Variants in NPLOC4 observed in about 807,000 individuals in gnomAD.
NPLOC4 encodes nuclear protein localization protein 4 homolog.
In NPLOC4, 18 loss-of-function variants were observed where a neutral mutation model predicts 80.6. The observed-to-expected ratio is 0.22, with a 90% confidence interval of 0.15 to 0.33. The LOEUF (loss-of-function observed/expected upper bound fraction) is 0.33. Among genes scored for constraint, NPLOC4 ranks in the 10% least tolerant of loss-of-function variants. The pLI, the probability that NPLOC4 is intolerant of heterozygous loss-of-function variation, is 1.00. For missense variants in NPLOC4, 540 were observed against 786.1 expected, an observed-to-expected ratio of 0.69 and a Z score of 3.74; for synonymous variants, 313 against 301.5, an observed-to-expected ratio of 1.04 and a Z score of -0.39.
chr17:81,560,826 G>C (rs763690108), intron 16 of NPLOC4: 3 of 152,202 alleles, frequency 2.0e-5, no homozygotes, highest in Admixed American at 2.0e-4. Context: ...CCTCCCACTC[G>C]CAAGGTACGA....
intron 15 of NPLOC4, chr17:81,566,597 G>A (rs570118588): frequency 6.6e-6 from 1 of 152,250 alleles, no homozygotes; most frequent in African/African-American, 2.4e-5. Context: ...AAATACCCGA[G>A]TGAGTGGTTT....
Position 81,572,479 on chromosome 17 carries a change from C to T in NPLOC4, c.1282-391G>A, listed in dbSNP as rs1000585345. ...GTGCTGGGATTACAGGCGTGAGCCACCGCGTCCGGCCTTCACTTTTTAAAT... is the reference window on the plus strand; with the variant it reads ...GTGCTGGGATTACAGGCGTGAGCCATCGCGTCCGGCCTTCACTTTTTAAAT... On this transcript the variant is annotated intron_variant, in intron 12 of 16. Transcript: ENST00000331134. This position sits in a 1 kb window ranked among gnomAD's most constrained non-coding sequence, Gnocchi z 4.5. 1.3e-5 allele frequency among the ~76,000 whole-genome samples: 2 copies of T among 152,230 alleles called. No homozygotes were observed. The highest frequency in any genetic ancestry group is 2.9e-5 in the Non-Finnish European group (2 of 68,050).
rs758508912 is a variant in NPLOC4 at position 81,587,825 on chromosome 17, C to T, written c.1281+1119G>A. 4.0e-5 allele frequency among the ~76,000 whole-genome samples: 6 copies of T among 149,452 alleles called. No individual in the cohort carries two copies. The South Asian group carries it at 1.1e-3, about 26-fold the overall frequency. On this transcript the variant is annotated intron_variant, in intron 12 of 16. Coordinates refer to ENST00000331134, the MANE Select transcript of NPLOC4 (RefSeq NM_017921.4). ...CTGGGACTACAGGTGCCTGCTACCA[C>T]GCCCGGCTTATTTTTTGTATTTTTT...
In NPLOC4 at chr17:81,629,844, G is replaced by T. The variant is rs376640033; in HGVS notation, c.16-39C>A. 132 of 1,455,484 alleles carry T rather than the reference G, an allele frequency of 9.1e-5. No individual in the cohort carries two copies. In the Middle Eastern group the frequency reaches 1.4e-3, roughly 15 times the overall value. The allele number at this position is 1,455,484 out of a possible 1,614,324, so 90.2% of individuals were successfully genotyped here. On this transcript the variant is annotated intron_variant, in intron 1 of 16. Coordinates refer to ENST00000331134, the MANE Select transcript of NPLOC4 (RefSeq NM_017921.4). ...AACATGATGGTTACTGCACAGCCTA[G>T]TGAGGTCCTGATCTAATACTACGGC...
chr17:81,559,948 T>A (rs1191960089), intron 16 of NPLOC4, among the ~76,000 whole-genome samples: 1 of 150,636 alleles, frequency 6.6e-6, no homozygotes, highest in African/African-American at 2.4e-5. Flanking sequence ...TTGGCCAGGC[T>A]GGTCTCGAAC....
intron 2 of NPLOC4, among the ~76,000 whole-genome samples, chr17:81,623,071 G>A (rs908450286): frequency 3.9e-5 from 6 of 151,990 alleles, no homozygotes; most frequent in Middle Eastern, 6.8e-3. Context: ...GCACATGCCT[G>A]TAATCCCAGC....
At position 81,628,871 on chromosome 17, in the gene NPLOC4, T is replaced by C. The variant is rs545374105; in HGVS notation, c.96+854A>G. Among the ~76,000 whole-genome samples the C allele has an allele frequency of 4.1e-3, 602 of 147,416 alleles. 7 individuals carry two copies. The highest frequency in any genetic ancestry group is 5.7e-3 in the Non-Finnish European group (388 of 67,564). The stretch of plus-strand genomic sequence containing the variant: ...ATTCTTTGAGTCAACTGTAGTCATA[T>C]CTACAATTCATACTTTTTTTTTTTT... On this transcript the variant is annotated intron_variant, in intron 2 of 16. Transcript: ENST00000331134.
At chr17:81,634,882 C>T (rs1057104751) in intron 1 of NPLOC4, among the ~76,000 whole-genome samples, 1 of 152,060 alleles carries the variant, frequency 6.6e-6, no homozygotes, top group African/African-American at 2.4e-5. Flanking sequence ...TGCATGGCCA[C>T]ATTTTATTTT....
Position 81,577,079 on chromosome 17 carries a change from C to T in NPLOC4, c.1282-4991G>A, listed in dbSNP as rs1755002216. Among the ~76,000 whole-genome samples, 1 of 152,204 alleles carries T rather than the reference C, an allele frequency of 6.6e-6. No individual in the cohort carries two copies. Among genetic ancestry groups the T allele is most frequent in the Non-Finnish European group, 1.5e-5 (1 of 68,028 alleles). ...CAGTGCCAGATGCCAACAAACCCCA[C>T]GGCCTGCTGAGTAAGCAATGCCTGG... On this transcript the variant is annotated intron_variant, in intron 12 of 16. Coordinates refer to ENST00000331134, the MANE Select transcript of NPLOC4 (RefSeq NM_017921.4). The surrounding 1 kb of genome is among the most constrained non-coding windows in gnomAD (Gnocchi z 4.3).
intron 12 of NPLOC4, among the ~76,000 whole-genome samples, chr17:81,573,775 G>A (rs1451623274): frequency 6.6e-6 from 1 of 152,164 alleles, no homozygotes; most frequent in South Asian, 2.1e-4. Flanking sequence ...AGGAGGGCAG[G>A]AGAATGAACC....
Position 81,567,502 on chromosome 17 carries a change from T to C in NPLOC4, c.1481A>G (p.Gln494Arg). 6.2e-7 allele frequency: 1 copy of C among 1,613,316 alleles called. No homozygotes were observed. The highest frequency in any genetic ancestry group is 1.1e-5 in the South Asian group (1 of 90,962). ...DFHSLATYLS[Q>R]NTSSVFLDTI... ...ATCCAAGAACACAGATGAGGTATTCTGAGACAAATAGGTGGCCAAGCTATG... is the reference window on the plus strand; with the variant it reads ...ATCCAAGAACACAGATGAGGTATTCCGAGACAAATAGGTGGCCAAGCTATG... The change falls in exon 15 of 17, where the codon CAG becomes CGG. Residue 494 changes from glutamine to arginine, a missense_variant. Around this residue, in one of 6 missense-constraint regions of NPLOC4, gnomAD observed 251 missense variants for 377.5 expected, o/e 0.66. Transcript: ENST00000331134. The surrounding 1 kb of genome is among the most constrained non-coding windows in gnomAD (Gnocchi z 4.5).
chr17:81,630,182 A>G (rs2035892880), intron 1 of NPLOC4, among the ~76,000 whole-genome samples: 1 of 151,238 alleles, frequency 6.6e-6, no homozygotes, highest in Non-Finnish European at 1.5e-5. Context: ...CTTTGGGGAA[A>G]AAAAAAAAAA....
intron 12 of NPLOC4, among the ~76,000 whole-genome samples, chr17:81,583,799 C>T (rs1224721677): frequency 6.6e-6 from 1 of 152,184 alleles, no homozygotes; most frequent in African/African-American, 2.4e-5. Flanking sequence ...AGTCAGGAAG[C>T]TTCTACTCCC....
At chr17:81,633,355 T>A (rs1209107945) in intron 1 of NPLOC4, among the ~76,000 whole-genome samples, 1 of 152,202 alleles carries the variant, frequency 6.6e-6, no homozygotes, top group Non-Finnish European at 1.5e-5. Flanking sequence ...AAACGATGAC[T>A]CTGGAACAAG....
chr17:81,616,629 C>T (rs1266415425), intron 3 of NPLOC4, among the ~76,000 whole-genome samples: 1 of 151,560 alleles, frequency 6.6e-6, no homozygotes, highest in African/African-American at 2.4e-5. Context: ...ACTCGGGAGG[C>T]TGAGGCAGGA....
In NPLOC4 at chr17:81,636,937, T is replaced by G; in HGVS notation, c.-7A>C. ...TCACGATGCTCTCGGCCATGGCGGC[T>G]GCTCCTGCCTCCGGGCTCGAGCCCC... On this transcript the variant is annotated 5_prime_UTR_variant, in exon 1 of 17. Coordinates refer to ENST00000331134, the MANE Select transcript of NPLOC4 (RefSeq NM_017921.4). 3 of 1,363,944 alleles carry G rather than the reference T, an allele frequency of 2.2e-6. No individual in the cohort carries two copies. Among genetic ancestry groups the G allele is most frequent in the Non-Finnish European group, 2.8e-6 (3 of 1,053,196 alleles). The allele number at this position is 1,363,944 out of a possible 1,614,324, so 84.5% of individuals were successfully genotyped here.
In NPLOC4 at chr17:81,563,614, T is replaced by C. The variant is rs552608493; in HGVS notation, c.1669+1891A>G. 5.5e-5 allele frequency: 11 copies of C among 199,164 alleles called. No individual in the cohort carries two copies. In the South Asian group the frequency reaches 6.8e-4, roughly 12 times the overall value. The allele number at this position is 199,164 out of a possible 1,614,324, so 12.3% of individuals were successfully genotyped here. On this transcript the variant is annotated intron_variant, in intron 16 of 16. Transcript: ENST00000331134. Reference sequence around the variant, plus strand: ...AAAAAAAAAAAAAAGACTGGTGTCATTGTTAGAACTGCATCAAAGGGCTGG... The same window carrying C: ...AAAAAAAAAAAAAAGACTGGTGTCACTGTTAGAACTGCATCAAAGGGCTGG...
chr17:81,587,578 G>A (rs1048226692), intron 12 of NPLOC4, among the ~76,000 whole-genome samples: 51 of 144,530 alleles, frequency 3.5e-4, no homozygotes, highest in African/African-American at 9.9e-4. Context: ...GCCTCCGAAA[G>A]GGCTGGGATT....
At chr17:81,627,849 C>T (rs561003189) in intron 2 of NPLOC4, among the ~76,000 whole-genome samples, 1 of 151,244 alleles carries the variant, frequency 6.6e-6, no homozygotes, top group African/African-American at 2.4e-5. Context: ...GGCAGGAGAA[C>T]TGCTGGAACC....
Sources: allele counts gnomAD v4.1 joint callset (sites outside exome capture counted in the v4.1 genomes callset), GRCh38; gene constraint gnomAD v4.1.1; regional missense constraint gnomAD v4.1.1; non-coding constraint Gnocchi (gnomAD v3.1); transcripts MANE v1.5; gene names NCBI Gene and HGNC (gene_info 2026-07-23, HGNC 2026-07-21).